Variants in NKAIN2 observed in about 807,000 individuals in gnomAD.
The protein encoded by NKAIN2 is sodium/potassium transporting ATPase interacting 2, also known as sodium/potassium-transporting ATPase subunit beta-1-interacting protein 2.
NKAIN2 carries 14 observed loss-of-function variants against 32.6 expected under a neutral mutation model. The observed-to-expected ratio is 0.43, with a 90% CI of 0.28 to 0.67. The LOEUF (loss-of-function observed/expected upper bound fraction) is 0.67. Among genes scored for constraint, NKAIN2 ranks in the 30% least tolerant of loss-of-function variants. The pLI is 0.17. For missense variants in NKAIN2, 198 were observed against 258.3 expected (o/e 0.77, Z 1.60); for synonymous variants, 80 against 87.2 (o/e 0.92, Z 0.46).
chr6:124,498,942 G>GTTTTT (rs1050085564), intron 3 of NKAIN2, among the ~76,000 whole-genome samples: 2 of 151,928 alleles, frequency 1.3e-5, no homozygotes, highest in Non-Finnish European at 2.9e-5. Flanking sequence ...GTTTTGTTTT[G>GTTTTT]TTTTTTGTAG....
At chr6:124,736,347 G>C (rs576346310) in intron 4 of NKAIN2, among the ~76,000 whole-genome samples, 6 of 151,966 alleles carry the variant, frequency 3.9e-5, no homozygotes, top group Non-Finnish European at 8.8e-5. Context: ...GAAGCAGCAA[G>C]TGCTGATATA....
At chr6:124,113,377 C>T (rs748026446) in intron 1 of NKAIN2, among the ~76,000 whole-genome samples, 1 of 152,084 alleles carries the variant, frequency 6.6e-6, no homozygotes, top group Non-Finnish European at 1.5e-5. Flanking sequence ...TTAGGAAGCC[C>T]TAGAGATATT....
At chr6:124,454,915 C>T (rs1025298948) in intron 3 of NKAIN2, among the ~76,000 whole-genome samples, 39 of 152,092 alleles carry the variant, frequency 2.6e-4, no homozygotes, top group African/African-American at 9.4e-4. Flanking sequence ...TAAAGATAAG[C>T]ACTCAGCCTT....
intron 3 of NKAIN2, among the ~76,000 whole-genome samples, chr6:124,475,993 TGTGTGTGTATGTATGTGTGTGTGAGC>T (rs1396535085): frequency 2.6e-5 from 4 of 151,778 alleles, no homozygotes; most frequent in Non-Finnish European, 4.4e-5. Flanking sequence ...AATGGCAAAG[TGTGTGTGTATGTATGTGTGTGTGAGC>T]GTGTGTGTGT....
chr6:123,856,517 G>A (rs548529407), intron 1 of NKAIN2, among the ~76,000 whole-genome samples: 2 of 152,128 alleles, frequency 1.3e-5, no homozygotes, highest in Non-Finnish European at 2.9e-5. Context: ...ACTCTATATC[G>A]TAAAGTTGGT....
At chr6:124,263,337 A>C (rs1169391544) in intron 1 of NKAIN2, among the ~76,000 whole-genome samples, 1 of 152,152 alleles carries the variant, frequency 6.6e-6, no homozygotes, top group African/African-American at 2.4e-5. Context: ...TTTTGCTACA[A>C]ATTCAGAAGT....
At chr6:124,208,040 C>G (rs1358465699) in intron 1 of NKAIN2, among the ~76,000 whole-genome samples, 1 of 151,754 alleles carries the variant, frequency 6.6e-6, no homozygotes, top group Non-Finnish European at 1.5e-5. Context: ...CTAGAAAAAG[C>G]ATTTTAAGGT....
At chr6:123,965,111 T>C (rs1220750257) in intron 1 of NKAIN2, among the ~76,000 whole-genome samples, 1 of 152,122 alleles carries the variant, frequency 6.6e-6, no homozygotes, top group African/African-American at 2.4e-5. Context: ...TGAGTGCCCT[T>C]TTTTTGAGAC....
chr6:124,282,226 T>A, intron 1 of NKAIN2: 1 of 337,086 alleles, frequency 3.0e-6, no homozygotes, highest in Middle Eastern at 3.8e-4. Context: ...TTAATTATAG[T>A]TGTGAACACA....
chr6:123,849,618 C>T (rs926118094), intron 1 of NKAIN2, among the ~76,000 whole-genome samples: 1 of 152,108 alleles, frequency 6.6e-6, no homozygotes, highest in African/African-American at 2.4e-5. Flanking sequence ...TTTCGGCAGT[C>T]TGCAGGCAAC....
chr6:124,138,465 C>T (rs923013112), intron 1 of NKAIN2, among the ~76,000 whole-genome samples: 11 of 151,814 alleles, frequency 7.2e-5, no homozygotes, highest in South Asian at 2.1e-4. Context: ...AACTACCATT[C>T]GATCCGGCAA....
intron 2 of NKAIN2, among the ~76,000 whole-genome samples, chr6:124,341,077 T>C (rs145629920): frequency 0.01 from 1,592 of 152,324 alleles, 31 homozygotes; most frequent in African/African-American, 0.035. Flanking sequence ...CTAACATTGA[T>C]AGTCTGTCTT....
intron 1 of NKAIN2, among the ~76,000 whole-genome samples, chr6:124,071,741 C>T (rs1046047533): frequency 1.6e-4 from 25 of 152,136 alleles, no homozygotes; most frequent in African/African-American, 5.8e-4. Flanking sequence ...ACATTACTAA[C>T]CATTAGAGAA....
At chr6:124,602,572 C>A (rs1424372280) in intron 3 of NKAIN2, among the ~76,000 whole-genome samples, 2 of 151,630 alleles carry the variant, frequency 1.3e-5, no homozygotes, top group African/African-American at 4.8e-5. Context: ...GATGGAAAGA[C>A]AAAATACTTG....
intron 2 of NKAIN2, among the ~76,000 whole-genome samples, chr6:124,316,910 A>G (rs1335091561): frequency 2.0e-5 from 3 of 152,110 alleles, no homozygotes; most frequent in South Asian, 2.1e-4. Flanking sequence ...GCATCATTAT[A>G]TATTAAATGT....
intron 4 of NKAIN2, among the ~76,000 whole-genome samples, chr6:124,765,166 A>T (rs1778454999): frequency 6.6e-6 from 1 of 152,200 alleles, no homozygotes; most frequent in South Asian, 2.1e-4. Flanking sequence ...GAAACATGTA[A>T]CATTCTTTTG....
At chr6:124,015,354 G>A (rs958501725) in intron 1 of NKAIN2, among the ~76,000 whole-genome samples, 2 of 152,106 alleles carry the variant, frequency 1.3e-5, no homozygotes, top group Non-Finnish European at 2.9e-5. Context: ...CTCTTAAAAA[G>A]AGATGCAGTA....
chr6:124,295,967 A>C (rs1796031099), intron 2 of NKAIN2, among the ~76,000 whole-genome samples: 1 of 152,138 alleles, frequency 6.6e-6, no homozygotes, highest in African/African-American at 2.4e-5. Flanking sequence ...ATCCTTCATT[A>C]TAGTAAAAAA....
At chr6:123,851,197 T>A (rs1211151255) in intron 1 of NKAIN2, among the ~76,000 whole-genome samples, 1 of 151,804 alleles carries the variant, frequency 6.6e-6, no homozygotes, top group Non-Finnish European at 1.5e-5. Flanking sequence ...TTCATTTCCT[T>A]TGGATATATA....
Sources: gnomAD v4.1 joint callset for allele counts (sites outside exome capture counted in the v4.1 genomes callset) on GRCh38, gnomAD v4.1.1 for gene constraint, MANE v1.5 for transcripts, NCBI Gene and HGNC (gene_info 2026-07-23, HGNC 2026-07-21) for gene names.